Variants in EHHADH observed in about 807,000 individuals in gnomAD.
EHHADH encodes enoyl-CoA hydratase and 3-hydroxyacyl CoA dehydrogenase.
EHHADH carries 48 observed loss-of-function variants against 64.4 expected under a neutral mutation model. The ratio of observed to expected loss-of-function variants is 0.75; its 90% CI spans 0.59 to 0.95. The LOEUF (loss-of-function observed/expected upper bound fraction) is 0.95. Ranked by LOEUF, EHHADH falls within the 40% of genes least tolerant of loss-of-function variation. The probability of loss-of-function intolerance (pLI) is 0.00; values close to 1 mark genes in which losing one functional copy is unlikely to be tolerated. For missense variants in EHHADH, 854 were observed against 876.6 expected, an observed-to-expected ratio of 0.97 and a Z score of 0.33; for synonymous variants, 308 against 326.7, an observed-to-expected ratio of 0.94 and a Z score of 0.62.
chr3:185,248,544 A>G (rs1301729350), intron 1 of EHHADH, 27 bp from the exon 2 acceptor site: 1 of 1,513,832 alleles, frequency 6.6e-7, no homozygotes. Flanking sequence ...TACATGAAGT[A>G]AATCAGTCAG....
chr3:185,237,462 A>G (rs1317194274), intron 2 of EHHADH, among the ~76,000 whole-genome samples: 1 of 152,194 alleles, frequency 6.6e-6, no homozygotes, highest in African/African-American at 2.4e-5. Context: ...AAAGCTTTCA[A>G]TTCGCCATTT....
chr3:185,228,835 G>T (rs1405064265), intron 4 of EHHADH, among the ~76,000 whole-genome samples: 1 of 151,468 alleles, frequency 6.6e-6, no homozygotes, highest in East Asian at 1.9e-4. Flanking sequence ...GATGAGTCTC[G>T]CTCTGTTGCC....
intron 5 of EHHADH, 46 bp from the exon 6 acceptor site, chr3:185,204,803 C>A (rs1343193632): frequency 1.4e-6 from 2 of 1,467,848 alleles, no homozygotes; most frequent in Non-Finnish European, 1.9e-6. Context: ...GTTACTTGTA[C>A]AAAGGGAATG....
At chr3:185,214,094 G>A (rs768899986) in intron 5 of EHHADH, among the ~76,000 whole-genome samples, 4 of 151,986 alleles carry the variant, frequency 2.6e-5, no homozygotes, top group Non-Finnish European at 5.9e-5. Flanking sequence ...GATCTCCAGC[G>A]TTTGTCTATT....
intron 4 of EHHADH, among the ~76,000 whole-genome samples, chr3:185,221,584 T>TC (rs919391139): frequency 2.0e-5 from 3 of 148,590 alleles, no homozygotes; most frequent in Non-Finnish European, 4.5e-5. Flanking sequence ...TTTCTTTTTT[T>TC]TTTTTTTTGA....
chr3:185,226,664 A>AAG (rs1553778531), intron 4 of EHHADH, among the ~76,000 whole-genome samples: 94 of 135,772 alleles, frequency 6.9e-4, no homozygotes, highest in Middle Eastern at 3.6e-3. Flanking sequence ...AAAAAAAAAA[A>AAG]AAAGAAAGAA....
chr3:185,239,539 G>A (rs1577374441), intron 2 of EHHADH, among the ~76,000 whole-genome samples: 1 of 151,828 alleles, frequency 6.6e-6, no homozygotes, highest in East Asian at 1.9e-4. Context: ...ATTTTTTTGT[G>A]GCTATTGTAA....
chr3:185,200,395 C>A (rs1437787904), intron 6 of EHHADH, among the ~76,000 whole-genome samples: 2 of 152,124 alleles, frequency 1.3e-5, no homozygotes, highest in Non-Finnish European at 2.9e-5. Flanking sequence ...ACACAGTTTT[C>A]CAAATTTATT....
intron 4 of EHHADH, among the ~76,000 whole-genome samples, chr3:185,224,691 G>A (rs992411559): frequency 6.6e-6 from 1 of 152,034 alleles, no homozygotes; most frequent in African/African-American, 2.4e-5. Context: ...TCTAAAACAG[G>A]TCAGCAGAAG....
intron 3 of EHHADH, among the ~76,000 whole-genome samples, chr3:185,232,306 A>T (rs4687157): frequency 2.6e-5 from 4 of 151,930 alleles, no homozygotes; most frequent in Non-Finnish European, 4.4e-5. Context: ...GGTTGTGGTA[A>T]GAGGGACACA....
Position 185,218,117 on chromosome 3 carries a change from T to C in EHHADH, c.568+19A>G. ...ATCCTGTTTACAGTCTTTGGCTATT[T>C]TTATTATTATCTTCTTACCTGAAAC... On this transcript the variant is annotated intron_variant, in intron 5 of 6. Transcript: ENST00000231887. 1 of 1,564,588 alleles carries C rather than the reference T, an allele frequency of 6.4e-7. No individual in the cohort carries two copies. The highest frequency in any genetic ancestry group is 8.7e-7 in the Non-Finnish European group (1 of 1,145,334).
At chr3:185,212,314 C>T (rs946774816) in intron 5 of EHHADH, among the ~76,000 whole-genome samples, 6 of 152,180 alleles carry the variant, frequency 3.9e-5, no homozygotes, top group Admixed American at 1.3e-4. Flanking sequence ...TCATAGAATA[C>T]GAACATTAAA....
rs1452125111 is a variant in EHHADH, at chr3:185,235,382, C to A, written c.259G>T (p.Glu87Ter). Reference protein sequence around the residue: ...GHVVDEIQRNEKPVVAAIQGM... With the variant: ...GHVVDEIQRN ...TGGATTGCTGCCACCACGGGCTTCTCATTTCTCTGTATTTCATCTACTACA... is the reference window on the plus strand; with the variant it reads ...TGGATTGCTGCCACCACGGGCTTCTAATTTCTCTGTATTTCATCTACTACA... Residue 87 changes from glutamate to a stop codon, truncating the protein, a stop_gained, in exon 3 of 7, where the codon GAG becomes TAG. Transcript: ENST00000231887. LOFTEE classifies it high-confidence loss of function. The A allele has an allele frequency of 1.4e-5, 22 of 1,613,862 alleles. No individual in the cohort carries two copies. Among genetic ancestry groups the A allele is most frequent in the Non-Finnish European group, 1.8e-5 (21 of 1,179,980 alleles).
intron 2 of EHHADH, among the ~76,000 whole-genome samples, chr3:185,242,742 GT>G (rs1379139226): frequency 2.0e-5 from 3 of 152,178 alleles, no homozygotes; most frequent in African/African-American, 7.2e-5. Flanking sequence ...CACTGAGTCT[GT>G]TTCCAGGCAG....
Position 185,192,999 on chromosome 3 carries a change from T to A in EHHADH, c.1399A>T (p.Lys467Ter). Residue 467 changes from lysine to a stop codon, truncating the protein, a stop_gained, in exon 7 of 7, where the codon AAA becomes TAA. Transcript: ENST00000231887. LOFTEE classifies it high-confidence loss of function. ...ATVMNLSKKI[K>*]KIGVVVGNCF... ...TTGCCTACAACGACTCCAATCTTTT[T>A]AATCTTTTTTGATAAGTTCATAACA... The A allele has an allele frequency of 6.2e-7, 1 of 1,614,236 alleles. No individual in the cohort carries two copies. The highest frequency in any genetic ancestry group is 8.5e-7 in the Non-Finnish European group (1 of 1,180,048).
chr3:185,194,437 A>G (rs1717999495), intron 6 of EHHADH, among the ~76,000 whole-genome samples: 1 of 152,090 alleles, frequency 6.6e-6, no homozygotes, highest in South Asian at 2.1e-4. Context: ...ACATGGAGAA[A>G]ACCCGTCTCT....
At chr3:185,212,554 T>A (rs1323138813) in intron 5 of EHHADH, among the ~76,000 whole-genome samples, 2 of 152,228 alleles carry the variant, frequency 1.3e-5, no homozygotes, top group Admixed American at 1.3e-4. Context: ...GTTCTTCATC[T>A]TCTTCTTTCG....
intron 3 of EHHADH, among the ~76,000 whole-genome samples, chr3:185,234,438 C>T (rs1211222075): frequency 6.6e-6 from 1 of 152,146 alleles, no homozygotes; most frequent in African/African-American, 2.4e-5. Context: ...TCAGTGAAAC[C>T]TGATATGGGT....
In EHHADH at chr3:185,216,789, G is replaced by C. The variant is rs1718690226; in HGVS notation, c.568+1347C>G. ...GGCCATTGCCTGCCACCAAGCGGGA[G>C]ACCAGCACTCTGTTCTGCCTGTAAC... On this transcript the variant is annotated intron_variant, in intron 5 of 6. Coordinates refer to ENST00000231887, the MANE Select transcript of EHHADH (RefSeq NM_001966.4). This position sits in a 1 kb window ranked among gnomAD's most constrained non-coding sequence, Gnocchi z 5.3. Among the ~76,000 whole-genome samples, 1 of 152,168 alleles carries C rather than the reference G, an allele frequency of 6.6e-6. No individual in the cohort carries two copies. The highest frequency in any genetic ancestry group is 2.4e-5 in the African/African-American group (1 of 41,430).
Sources: gnomAD v4.1 joint callset for allele counts (sites outside exome capture counted in the v4.1 genomes callset) on GRCh38, gnomAD v4.1.1 for gene constraint, Gnocchi (gnomAD v3.1) non-coding constraint, MANE v1.5 for transcripts, NCBI Gene and HGNC (gene_info 2026-07-23, HGNC 2026-07-21) for gene names.